The following PSPC1 variants were observed in gnomAD, a reference collection of about 807,000 sequenced individuals.
PSPC1 encodes paraspeckle protein 1.
PSPC1 carries 14 observed loss-of-function variants against 51.6 expected under a neutral mutation model. The ratio of observed to expected loss-of-function variants is 0.27; its 90% CI spans 0.18 to 0.42. PSPC1 has a LOEUF of 0.42. PSPC1 is among the 10% of genes least tolerant of loss of function. The pLI is 1.00. For missense variants in PSPC1, 406 were observed against 701.1 expected (o/e 0.58, Z 4.75); for synonymous variants, 193 against 231.9 (o/e 0.83, Z 1.53).
rs138833832 is a variant in PSPC1 at position 19,685,058 on chromosome 13, T to C, written c.1159-7235A>G. ...CAAAGTTTGAGAAATTTAGACTATA[T>C]AGACCAGGTTAATAGGTAACAGAAA... is the stretch of plus-strand genomic sequence containing the variant. On this transcript the variant is annotated intron_variant and NMD_transcript_variant, in intron 6 of 7. Transcript: ENST00000471658. Among the ~76,000 whole-genome samples the C allele has an allele frequency of 5.3e-5, 8 of 152,338 alleles. No homozygotes were observed. The East Asian group carries it at 5.8e-4, about 11-fold the overall frequency.
At position 19,687,551 on chromosome 13, in the gene PSPC1, G is replaced by A. The variant is rs191101275; in HGVS notation, c.1159-9728C>T. Among the ~76,000 whole-genome samples, 22 of 152,270 alleles carry A rather than the reference G, an allele frequency of 1.4e-4. No individual in the cohort carries two copies. In the East Asian group the frequency reaches 4.1e-3, roughly 28 times the overall value. On this transcript the variant is annotated intron_variant and NMD_transcript_variant, in intron 6 of 7. Coordinates refer to the PSPC1 transcript ENST00000471658. ...TTTCCTGTGCTGAACCCACTTTCTAGATGGCACAGGGCCCCAACCCTTCCA... is the reference window on the plus strand; with the variant it reads ...TTTCCTGTGCTGAACCCACTTTCTAAATGGCACAGGGCCCCAACCCTTCCA...
At chr13:19,768,084 G>A (rs1888242371) in intron 2 of PSPC1, among the ~76,000 whole-genome samples, 1 of 151,680 alleles carries the variant, frequency 6.6e-6, no homozygotes, top group African/African-American at 2.4e-5. Context: ...AATTAGCCAG[G>A]CATGGTGGCA....
chr13:19,681,744 G>A (rs1324065180), intron 6 of PSPC1, among the ~76,000 whole-genome samples: 2 of 152,142 alleles, frequency 1.3e-5, no homozygotes, highest in Non-Finnish European at 2.9e-5. Context: ...AACCACCAGA[G>A]AAATCTTATA....
chr13:19,762,541 TACA>T (rs755363685), intron 2 of PSPC1, among the ~76,000 whole-genome samples: 3 of 149,000 alleles, frequency 2.0e-5, no homozygotes, highest in African/African-American at 2.4e-5. Context: ...GCCAGGATGA[TACA>T]ACGAGACTCC....
chr13:19,711,575 T>C (rs1881427568), intron 6 of PSPC1, among the ~76,000 whole-genome samples: 1 of 149,162 alleles, frequency 6.7e-6, no homozygotes, highest in East Asian at 2.0e-4. Flanking sequence ...GAGGCAGAGG[T>C]TGCAGTGAGC....
At chr13:19,687,784 A>G (rs9508848) in intron 6 of PSPC1, among the ~76,000 whole-genome samples, 97,089 of 151,982 alleles carry the variant, frequency 0.64, 34,609 homozygotes, top group East Asian at 0.89. Context: ...ATTCAAATGC[A>G]TCCCACTGCC....
At chr13:19,696,253 C>G (rs777180742) in intron 6 of PSPC1, among the ~76,000 whole-genome samples, 2 of 152,124 alleles carry the variant, frequency 1.3e-5, no homozygotes, top group Non-Finnish European at 2.9e-5. Flanking sequence ...AATTAAGAAA[C>G]AAATCTCTAT....
At chr13:19,771,882 G>A (rs1888659324) in intron 2 of PSPC1, among the ~76,000 whole-genome samples, 2 of 152,066 alleles carry the variant, frequency 1.3e-5, no homozygotes, top group African/African-American at 4.8e-5. Flanking sequence ...TGAAAGTCTG[G>A]GGCTTGAGCC....
At chr13:19,746,179 G>A (rs376208597) in intron 4 of PSPC1, among the ~76,000 whole-genome samples, 9 of 150,968 alleles carry the variant, frequency 6.0e-5, no homozygotes, top group African/African-American at 1.2e-4. Flanking sequence ...TGAGGTGGGC[G>A]GATCACGAGG....
intron 3 of PSPC1, among the ~76,000 whole-genome samples, chr13:19,758,895 G>A (rs1035585866): frequency 2.6e-5 from 4 of 151,656 alleles, no homozygotes; most frequent in African/African-American, 9.7e-5. Context: ...TTTCTGGCAT[G>A]AATATTATTG....
intron 6 of PSPC1, among the ~76,000 whole-genome samples, chr13:19,681,539 A>T (rs1877268041): frequency 6.6e-6 from 1 of 152,226 alleles, no homozygotes; most frequent in African/African-American, 2.4e-5. Context: ...CAGGATTTTA[A>T]CAATGGCATA....
intron 6 of PSPC1, chr13:19,678,190 A>G: frequency 5.5e-6 from 1 of 181,526 alleles, no homozygotes; most frequent in Non-Finnish European, 1.2e-5. Flanking sequence ...CCTCAGCACA[A>G]CACAGCTTGA....
intron 3 of PSPC1, among the ~76,000 whole-genome samples, chr13:19,753,976 T>C (rs998142609): frequency 3.3e-5 from 5 of 151,984 alleles, no homozygotes; most frequent in African/African-American, 7.2e-5. Flanking sequence ...TTTTAAATTA[T>C]TTATTTTCTT....
chr13:19,774,324 A>C (rs1888892810), intron 1 of PSPC1, among the ~76,000 whole-genome samples: 1 of 152,242 alleles, frequency 6.6e-6, no homozygotes, highest in South Asian at 2.1e-4. Flanking sequence ...TGTCTTATGA[A>C]AATTGTCTTA....
At chr13:19,766,550 T>C (rs570765428) in intron 2 of PSPC1, among the ~76,000 whole-genome samples, 1 of 152,144 alleles carries the variant, frequency 6.6e-6, no homozygotes, top group East Asian at 1.9e-4. Context: ...CCAAGTCTGG[T>C]GGCACATGCC....
In PSPC1 at chr13:19,741,462, T is replaced by A. The variant is rs1381891117; in HGVS notation, c.1052+103A>T. 8.7e-6 allele frequency: 7 copies of A among 800,020 alleles called. No individual in the cohort carries two copies. In the Admixed American group the frequency reaches 8.9e-5, roughly 10 times the overall value. The allele number at this position is 800,020 out of a possible 1,614,324, so 49.6% of individuals were successfully genotyped here. A position where few individuals can be genotyped will look rare whatever the true frequency, so the allele number is the denominator to read the frequency against. ...ATGTGGTTAAAATGGGCAATTTTTC[T>A]ATTTTTCCTGTGATACTCAACTTAT... On this transcript the variant is annotated intron_variant, in intron 5 of 8. Transcript: ENST00000338910.
chr13:19,747,751 A>T (rs1460221006), intron 4 of PSPC1, among the ~76,000 whole-genome samples: 1 of 152,198 alleles, frequency 6.6e-6, no homozygotes, highest in Non-Finnish European at 1.5e-5. Context: ...ACAAAAAGTG[A>T]TTCCTACAAA....
chr13:19,781,625 T>C (rs1219792973), intron 1 of PSPC1, among the ~76,000 whole-genome samples: 1 of 152,094 alleles, frequency 6.6e-6, no homozygotes, highest in Non-Finnish European at 1.5e-5. Context: ...TAAACGGTGT[T>C]ACTTGAGTAC....
chr13:19,733,778 GA>G lies in PSPC1; in HGVS notation c.1053-3435del, dbSNP rs66861600. ...GCTCCATTTCAAAAACAAGAAAAAA[GA>G]AAAAAAAATATATATATATATATAT... On this transcript the variant is annotated intron_variant, in intron 5 of 8. Transcript: ENST00000338910. Among the ~76,000 whole-genome samples, 1,099 of 138,524 alleles carry G rather than the reference GA, an allele frequency of 7.9e-3. 7 individuals are homozygous for G. Among genetic ancestry groups the G allele is most frequent in the Middle Eastern group, 0.019 (5 of 270 alleles). The allele number at this position is 138,524 out of a possible 152,430, so 90.9% of individuals were successfully genotyped here.
Sources: gnomAD v4.1 joint callset for allele counts (sites outside exome capture counted in the v4.1 genomes callset) on GRCh38, gnomAD v4.1.1 for gene constraint, MANE v1.5 for transcripts, NCBI Gene and HGNC (gene_info 2026-07-23, HGNC 2026-07-21) for gene names.